The following FPGT variants were observed in gnomAD, a reference collection of about 807,000 sequenced individuals.
FPGT encodes fucose-1-phosphate guanylyltransferase.
FPGT carries 41 observed loss-of-function variants against 45.8 expected under a neutral mutation model. That is an observed-to-expected ratio of 0.90 (90% CI 0.70 to 1.16). The LOEUF is 1.16. Among genes scored for constraint, FPGT ranks in the 50% most tolerant of loss-of-function variants. The pLI is 0.00. For synonymous variants in FPGT, 292 were observed against 247.2 expected (o/e 1.18, Z -1.70); for missense variants, 755 against 689.1 (o/e 1.10, Z -1.07).
intron 2 of FPGT, 53 bp downstream of exon 2, chr1:74,199,884 T>C (rs775400521): frequency 6.4e-7 from 1 of 1,567,984 alleles, no homozygotes; most frequent in South Asian, 1.2e-5. Flanking sequence ...GAATAATCAT[T>C]GAAGAAAAGG....
At position 74,204,522 on chromosome 1, in the gene FPGT, A is replaced by T; in HGVS notation, c.475A>T (p.Asn159Tyr). 1 of 1,608,928 alleles carries T rather than the reference A, an allele frequency of 6.2e-7. No homozygotes were observed. The highest frequency in any genetic ancestry group is 8.5e-7 in the Non-Finnish European group (1 of 1,175,352). The change falls in exon 4 of 4, where the codon AAT becomes TAT. Residue 159 changes from asparagine to tyrosine, a missense_variant. By Grantham distance (143) the Asn-to-Tyr change is moderately radical (BLOSUM62 -2). Coordinates refer to ENST00000370898, the MANE Select transcript of FPGT (RefSeq NM_003838.5). ...AMYIDFPLNM[N>Y]PGILVTCADD... ...GTACATTGATTTCCCCTTAAATATG[A>T]ATCCTGGAATTCTGGTTACCTGTGC...
chr1:74,205,825 T>C lies in FPGT; in HGVS notation c.1778T>C (p.Leu593Ser), dbSNP rs760095046. ...IFLEISLKSSLM is the reference protein window; with the variant it reads ...IFLEISLKSSSM ...CTAGAAATCAGTTTAAAAAGCAGTT[T>C]GATGTAGAGATATTTTAAATATTGT... Residue 593 changes from leucine to serine, a missense_variant, in exon 4 of 4, where the codon TTG (leucine) becomes TCG (serine). Coordinates refer to ENST00000370898, the MANE Select transcript of FPGT (RefSeq NM_003838.5). The C allele has an allele frequency of 8.5e-6, 13 of 1,524,354 alleles. No individual in the cohort carries two copies. Among genetic ancestry groups the C allele is most frequent in the Non-Finnish European group, 1.2e-5 (13 of 1,109,168 alleles). 94.4% of individuals were successfully genotyped at this position (1,524,354 alleles called of 1,614,324 possible).
At chr1:74,199,974 T>G (rs780733130) in intron 2 of FPGT, 143 bp downstream of exon 2, 1 of 1,001,996 alleles carries the variant, frequency 1.0e-6, no homozygotes. Flanking sequence ...TAAATTGACT[T>G]TTTTTAGAAA....
Position 74,199,848 on chromosome 1 carries a change from C to A in FPGT, c.250+17C>A. On this transcript the variant is annotated intron_variant, in intron 2 of 3. Coordinates refer to ENST00000370898, the MANE Select transcript of FPGT (RefSeq NM_003838.5). ...CCAAAATTGGTACGCGCTTTATGGTCAGTTTTATAATATAGGTCCTAAGCA... is the reference window on the plus strand; with the variant it reads ...CCAAAATTGGTACGCGCTTTATGGTAAGTTTTATAATATAGGTCCTAAGCA... 1.9e-6 allele frequency: 3 copies of A among 1,611,884 alleles called. No homozygotes were observed. In the South Asian group the frequency reaches 3.3e-5, roughly 18 times the overall value.
At position 74,205,909 on chromosome 1, in the gene FPGT, TGAACTCA is replaced by T; in HGVS notation, c.*79_*85del. On this transcript the variant is annotated 3_prime_UTR_variant, in exon 4 of 4. Transcript: ENST00000370898. ...AGGTATTTTTTGTAGGCTGTTTCAC[TGAACTCA>T]GTTAATGAAAACTGTATTAACATAA... The T allele has an allele frequency of 1.3e-6, 1 of 778,744 alleles. No individual in the cohort carries two copies. Among genetic ancestry groups the T allele is most frequent in the Non-Finnish European group, 2.1e-6 (1 of 477,112 alleles). The allele number at this position is 778,744 out of a possible 1,614,324, so 48.2% of individuals were successfully genotyped here. A position where few individuals can be genotyped will look rare whatever the true frequency, so the allele number is the denominator to read the frequency against.
In FPGT at chr1:74,198,285, G is replaced by C. The variant is rs1354743702; in HGVS notation, c.7G>C (p.Ala3Pro). Residue 3 changes from alanine (A) to proline (P), a missense_variant, in exon 1 of 4, where the codon GCT becomes CCT. Physicochemically the swap from Ala to Pro is conservative, Grantham distance 27 (BLOSUM62 -1). Coordinates refer to ENST00000370898, the MANE Select transcript of FPGT (RefSeq NM_003838.5). MA[A>P]ARDPPEVSLR... ...TCTCAGGGAAGGTGGGGCTATGGCAGCTGCTAGGGACCCTCCGGAAGTATC... is the reference window on the plus strand; with the variant it reads ...TCTCAGGGAAGGTGGGGCTATGGCACCTGCTAGGGACCCTCCGGAAGTATC... 6.2e-7 allele frequency: 1 copy of C among 1,613,890 alleles called. No individual in the cohort carries two copies. Among genetic ancestry groups the C allele is most frequent in the East Asian group, 2.2e-5 (1 of 44,862 alleles).
At chr1:74,202,392 G>A (rs1011233838) in intron 3 of FPGT, among the ~76,000 whole-genome samples, 2 of 151,980 alleles carry the variant, frequency 1.3e-5, no homozygotes, top group African/African-American at 4.8e-5. Flanking sequence ...CCAAGTTCTG[G>A]TTTGAAGCCT....
chr1:74,203,026 A>G (rs1413110931), intron 3 of FPGT, among the ~76,000 whole-genome samples: 1 of 152,144 alleles, frequency 6.6e-6, no homozygotes, highest in Admixed American at 6.5e-5. Flanking sequence ...TTTTTTTTGT[A>G]TGTATCATAT....
At position 74,208,515 on chromosome 1, in the gene FPGT, G is replaced by A. The variant is rs1652462926; in HGVS notation, c.*2683G>A. On this transcript the variant is annotated 3_prime_UTR_variant, in exon 4 of 4. Transcript: ENST00000370898. Reference sequence around the variant, plus strand: ...GCACTTACATCATATACTCAGGTGTGTAAAAGCCTGCTATTTGTAACTATA... The same window carrying A: ...GCACTTACATCATATACTCAGGTGTATAAAAGCCTGCTATTTGTAACTATA... Among the ~76,000 whole-genome samples the A allele has an allele frequency of 6.6e-6, 1 of 151,958 alleles. No homozygotes were observed. Among genetic ancestry groups the A allele is most frequent in the South Asian group, 2.1e-4 (1 of 4,830 alleles).
intron 1 of FPGT, among the ~76,000 whole-genome samples, chr1:74,199,450 GAAAA>G (rs374153397): frequency 6.6e-6 from 1 of 151,534 alleles, no homozygotes; most frequent in Non-Finnish European, 1.5e-5. Flanking sequence ...TGATCTAAAA[GAAAA>G]AAAAGGAACT....
In FPGT at chr1:74,207,378, A is replaced by G. The variant is rs1198945352; in HGVS notation, c.*1546A>G. 2.0e-5 allele frequency: 3 copies of G among 152,174 alleles called. No homozygotes were observed. Among genetic ancestry groups the G allele is most frequent in the Non-Finnish European group, 4.4e-5 (3 of 67,982 alleles). 9.4% of individuals were successfully genotyped at this position (152,174 alleles called of 1,614,324 possible). On this transcript the variant is annotated 3_prime_UTR_variant, in exon 4 of 4. Transcript: ENST00000370898. ...AAGAAATTTCTACAGCTTCACATTC[A>G]AACTCTTCAGCACTTTCAGAGCTAT... is the stretch of plus-strand genomic sequence containing the variant.
At chr1:74,198,618 C>T (rs1398725166) in intron 1 of FPGT, among the ~76,000 whole-genome samples, 4 of 152,094 alleles carry the variant, frequency 2.6e-5, no homozygotes, top group African/African-American at 7.2e-5. Flanking sequence ...GAAAATCTTA[C>T]TAGTGAAGTT....
chr1:74,204,324 C>T, intron 3 of FPGT, 67 bp from the exon 4 acceptor site: 1 of 1,172,588 alleles, frequency 8.5e-7, no homozygotes, highest in Admixed American at 2.5e-5. Flanking sequence ...TTATAAAACC[C>T]TGGGGTTTTG....
intron 1 of FPGT, 103 bp downstream of exon 1, chr1:74,198,463 T>C: frequency 2.0e-6 from 3 of 1,514,340 alleles, no homozygotes; most frequent in Non-Finnish European, 2.7e-6. Flanking sequence ...ACTTCTCATC[T>C]GTAGGCCTAT....
At position 74,204,707 on chromosome 1, in the gene FPGT, A is replaced by G. The variant is rs1400823739; in HGVS notation, c.660A>G (p.Glu220=). 2 of 1,612,850 alleles carry G rather than the reference A, an allele frequency of 1.2e-6. No homozygotes were observed. The highest frequency in any genetic ancestry group is 2.2e-5 in the South Asian group (2 of 91,056). ...PFDDLKHRDL[E]YRSCHRFLHK... is the part of the protein sequence containing the mutation. Reference sequence around the variant, plus strand: ...ATGATTTAAAACATAGAGACCTTGAATACAGGTCTTGCCATCGTTTCCTTC... The same window carrying G: ...ATGATTTAAAACATAGAGACCTTGAGTACAGGTCTTGCCATCGTTTCCTTC... Residue 220 remains glutamate (E), a synonymous_variant, in exon 4 of 4, where the codon GAA becomes GAG. Transcript: ENST00000370898.
rs141419682 is a variant in FPGT, at chr1:74,207,840, G to A, written c.*2008G>A. On this transcript the variant is annotated 3_prime_UTR_variant, in exon 4 of 4. Coordinates refer to ENST00000370898, the MANE Select transcript of FPGT (RefSeq NM_003838.5). ...ACAGAGCGTTCAGAGGATGTTATAT[G>A]TTTATTAAGTGCTCAATACTGTATT... Among the ~76,000 whole-genome samples the A allele has an allele frequency of 3.3e-5, 5 of 152,054 alleles. No individual in the cohort carries two copies. In the East Asian group the frequency reaches 7.7e-4, roughly 24 times the overall value.
Position 74,205,181 on chromosome 1 carries a change from GC to G in FPGT, c.1135del (p.Leu379SerfsTer6). Reference sequence around the variant, plus strand: ...CCTCAGATAACAGTTTAAAGTCAGAGCTCGGCTTACAGTCCATAACTTTTAG... The same window carrying G: ...CCTCAGATAACAGTTTAAAGTCAGAGTCGGCTTACAGTCCATAACTTTTAG... The part of the protein sequence containing the change: ...FTSDNSLKSE[L>X]GLQSITFSIF... On this transcript the variant is annotated frameshift_variant, in exon 4 of 4. Coordinates refer to ENST00000370898, the MANE Select transcript of FPGT (RefSeq NM_003838.5). LOFTEE classifies it high-confidence loss of function. The G allele has an allele frequency of 1.2e-6, 2 of 1,613,916 alleles. No individual in the cohort carries two copies. Among genetic ancestry groups the G allele is most frequent in the Non-Finnish European group, 8.5e-7 (1 of 1,179,832 alleles).
intron 2 of FPGT, among the ~76,000 whole-genome samples, chr1:74,200,989 CTGTA>C (rs149618537): frequency 0.32 from 47,905 of 151,678 alleles, 8,369 homozygotes; most frequent in Middle Eastern, 0.44. Flanking sequence ...ATTTGTAACT[CTGTA>C]TGAATGTTTA....
At chr1:74,204,027 G>C (rs1652047848) in intron 3 of FPGT, among the ~76,000 whole-genome samples, 1 of 142,010 alleles carries the variant, frequency 7.0e-6, no homozygotes, top group East Asian at 2.4e-4. Context: ...CTGGGTGACA[G>C]TAAGACTTCA....
Sources: gnomAD v4.1 joint callset for allele counts (sites outside exome capture counted in the v4.1 genomes callset) on GRCh38, gnomAD v4.1.1 for gene constraint, MANE v1.5 for transcripts, NCBI Gene and HGNC (gene_info 2026-07-23, HGNC 2026-07-21) for gene names.